The following NBAS variants were observed in gnomAD, a reference collection of about 807,000 sequenced individuals.
NBAS encodes NAG/BC035112 fusion.
Under a neutral mutation model 302.5 loss-of-function variants are expected in NBAS, and 219 were observed. The observed-to-expected ratio is 0.72, with a 90% confidence interval of 0.65 to 0.81. The LOEUF (loss-of-function observed/expected upper bound fraction) is 0.81, where lower values mean the gene tolerates loss of function less well. Ranked by LOEUF, NBAS falls within the 30% of genes least tolerant of loss-of-function variation. The pLI is 0.00. For synonymous variants in NBAS, 1,118 were observed against 1,021.6 expected (o/e 1.09, Z -1.80); for missense variants, 2,932 against 2,841.6 (o/e 1.03, Z -0.72).
chr2:15,419,626 G>A (rs1292421305), intron 23 of NBAS, among the ~76,000 whole-genome samples: 4 of 152,064 alleles, frequency 2.6e-5, no homozygotes, highest in African/African-American at 9.7e-5. Flanking sequence ...CTTGTGAGGT[G>A]CCCATATCTT....
chr2:15,245,302 C>A (rs1314192120), intron 44 of NBAS, among the ~76,000 whole-genome samples: 1 of 152,112 alleles, frequency 6.6e-6, no homozygotes. Flanking sequence ...CACCCCGGCA[C>A]CCTTGCAGGC....
chr2:15,033,984 G>GGAAGAA, the NBAS span, among the ~76,000 whole-genome samples: 2,628 of 56,284 alleles, frequency 0.047, 157 homozygotes, highest in Non-Finnish European at 0.06. Context: ...AAGAGGAAGA[G>GGAAGAA]GAAGAAGAAG....
At chr2:15,012,700 A>G in the NBAS span, among the ~76,000 whole-genome samples, 2 of 152,200 alleles carry the variant, frequency 1.3e-5, no homozygotes, top group Admixed American at 6.5e-5. Flanking sequence ...CTAACAGTGA[A>G]TTTCTCAGTA....
chr2:15,321,778 T>C (rs1386410267), intron 38 of NBAS, among the ~76,000 whole-genome samples: 5 of 152,222 alleles, frequency 3.3e-5, no homozygotes, highest in Non-Finnish European at 1.5e-5. Flanking sequence ...GGAACACTTT[T>C]ACACTGTTGG....
intron 38 of NBAS, among the ~76,000 whole-genome samples, chr2:15,309,457 G>C (rs950662177): frequency 5.3e-5 from 8 of 152,140 alleles, no homozygotes; most frequent in African/African-American, 1.9e-4. Flanking sequence ...TATACTATTG[G>C]TTACTTACAC....
chr2:15,071,624 C>CAAAAAAAAAA, the NBAS span, among the ~76,000 whole-genome samples: 4 of 75,024 alleles, frequency 5.3e-5, no homozygotes, highest in African/African-American at 1.8e-4. Context: ...ACTCCATCTC[C>CAAAAAAAAAA]AAAAAAAAAA....
chr2:15,374,029 GATT>G (rs1230780386), intron 31 of NBAS, among the ~76,000 whole-genome samples: 3 of 152,144 alleles, frequency 2.0e-5, no homozygotes, highest in African/African-American at 7.2e-5. Flanking sequence ...TGAGACAAGT[GATT>G]CTGTAGCAGG....
chr2:14,905,034 G>C, the NBAS span, among the ~76,000 whole-genome samples: 1 of 152,186 alleles, frequency 6.6e-6, no homozygotes, highest in African/African-American at 2.4e-5. Flanking sequence ...GCGACAGAGT[G>C]AGACTCCGTC....
chr2:14,800,552 G>A, the NBAS span, among the ~76,000 whole-genome samples: 1 of 152,148 alleles, frequency 6.6e-6, no homozygotes, highest in African/African-American at 2.4e-5. Context: ...TCTATTTTCT[G>A]AAACTCTTTG....
At chr2:15,466,983 C>T (rs1424326408) in intron 19 of NBAS, among the ~76,000 whole-genome samples, 1 of 149,880 alleles carries the variant, frequency 6.7e-6, no homozygotes, top group Non-Finnish European at 1.5e-5. Context: ...GAAATATTCA[C>T]ATTAAAACCT....
intron 48 of NBAS, among the ~76,000 whole-genome samples, chr2:15,210,185 A>G (rs999311988): frequency 3.9e-5 from 6 of 152,200 alleles, no homozygotes; most frequent in African/African-American, 1.4e-4. Context: ...AAGTGAAGAG[A>G]CAACACACAG....
chr2:15,456,358 G>A (rs1229999474), intron 21 of NBAS, among the ~76,000 whole-genome samples: 1 of 152,192 alleles, frequency 6.6e-6, no homozygotes, highest in Non-Finnish European at 1.5e-5. Flanking sequence ...GGTCAACTTG[G>A]CATAACTTAC....
At chr2:15,152,459 C>G in the NBAS span, among the ~76,000 whole-genome samples, 7 of 152,320 alleles carry the variant, frequency 4.6e-5, no homozygotes, top group South Asian at 1.5e-3. Context: ...TGCAATCTAG[C>G]TAAGAGTATA....
chr2:14,919,597 G>A, the NBAS span, among the ~76,000 whole-genome samples: 148 of 152,310 alleles, frequency 9.7e-4, no homozygotes, highest in Non-Finnish European at 1.7e-3. Flanking sequence ...TTTCAAAATT[G>A]AAGTCAGTCC....
At chr2:15,186,159 T>A (rs993550607) in intron 50 of NBAS, among the ~76,000 whole-genome samples, 8 of 150,940 alleles carry the variant, frequency 5.3e-5, no homozygotes, top group African/African-American at 1.9e-4. Context: ...TGTATGTGTG[T>A]CTGTGTGTGT....
intron 41 of NBAS, among the ~76,000 whole-genome samples, chr2:15,291,752 C>T (rs77958885): frequency 0.029 from 4,418 of 152,138 alleles, 221 homozygotes; most frequent in African/African-American, 0.1. Flanking sequence ...GTTTACCATA[C>T]TGAAGAAGAA....
chr2:15,140,169 A>C, the NBAS span, among the ~76,000 whole-genome samples: 3 of 152,338 alleles, frequency 2.0e-5, 1 homozygote, highest in South Asian at 6.2e-4. Context: ...AATAGTCCTC[A>C]CTGAGGTTCC....
the NBAS span, among the ~76,000 whole-genome samples, chr2:15,036,081 C>T: frequency 1.4e-4 from 22 of 152,288 alleles, no homozygotes; most frequent in Non-Finnish European, 2.8e-4. Context: ...TTTATTCTCA[C>T]GCCAACAGAA....
rs370816039 is a variant in NBAS, at chr2:15,240,543, G to A, written c.5725-1857C>T. Among the ~76,000 whole-genome samples the A allele has an allele frequency of 1.4e-4, 21 of 151,996 alleles. No individual in the cohort carries two copies. In the South Asian group the frequency reaches 4.4e-3, roughly 32 times the overall value. ...GCGGCAGGAGAATGGCGTGAACCCG[G>A]CAGGCGGAGGCTGCAGTGAGCCGAG... On this transcript the variant is annotated intron_variant, in intron 44 of 51. Coordinates refer to ENST00000281513, the MANE Select transcript of NBAS (RefSeq NM_015909.4).
Sources: allele counts gnomAD v4.1 joint callset (sites outside exome capture counted in the v4.1 genomes callset), GRCh38; gene constraint gnomAD v4.1.1; transcripts MANE v1.5; gene names NCBI Gene and HGNC (gene_info 2026-07-23, HGNC 2026-07-21).